Variants in CPA6 observed in about 807,000 individuals in gnomAD.
The protein encoded by CPA6 is carboxypeptidase A6.
Under a neutral mutation model 63.3 loss-of-function variants are expected in CPA6, and 58 were observed. The ratio of observed to expected loss-of-function variants is 0.92; its 90% confidence interval spans 0.74 to 1.14. CPA6 has a LOEUF of 1.14. Among genes scored for constraint, CPA6 ranks in the 50% most tolerant of loss-of-function variants. The pLI, the probability that CPA6 is intolerant of heterozygous loss-of-function variation, is 0.00. For synonymous variants in CPA6, 185 were observed against 179.0 expected, an observed-to-expected ratio of 1.03 and a Z score of -0.27; for missense variants, 565 against 526.6, an observed-to-expected ratio of 1.07 and a Z score of -0.71.
intron 2 of CPA6, among the ~76,000 whole-genome samples, chr8:67,623,696 A>C (rs1185584913): frequency 6.6e-6 from 1 of 152,144 alleles, no homozygotes; most frequent in Non-Finnish European, 1.5e-5. Context: ...AGTCTCCCAA[A>C]GTGCTGAGAC....
At chr8:67,620,292 CTA>C (rs1469864031) in intron 2 of CPA6, among the ~76,000 whole-genome samples, 1 of 152,136 alleles carries the variant, frequency 6.6e-6, no homozygotes, top group Non-Finnish European at 1.5e-5. Flanking sequence ...CAGGTCTGCC[CTA>C]TGTCATTTCC....
At chr8:67,589,564 C>T (rs893399604) in intron 2 of CPA6, among the ~76,000 whole-genome samples, 2 of 152,102 alleles carry the variant, frequency 1.3e-5, no homozygotes, top group African/African-American at 4.8e-5. Flanking sequence ...TTTGTGAGCT[C>T]CTTCAGAAGT....
intron 8 of CPA6, among the ~76,000 whole-genome samples, chr8:67,438,998 A>G (rs1390627644): frequency 6.6e-6 from 1 of 152,208 alleles, no homozygotes; most frequent in Non-Finnish European, 1.5e-5. Flanking sequence ...GGAAAAAAGA[A>G]AAAAGAAGAA....
chr8:67,675,620 A>T (rs1816454076), intron 1 of CPA6, among the ~76,000 whole-genome samples: 1 of 152,138 alleles, frequency 6.6e-6, no homozygotes. Flanking sequence ...TTGCCTTTTA[A>T]AACAGGGTAC....
chr8:67,658,037 T>G (rs915434109), intron 1 of CPA6, among the ~76,000 whole-genome samples: 1 of 152,220 alleles, frequency 6.6e-6, no homozygotes, highest in Non-Finnish European at 1.5e-5. Context: ...ACTGGCGTCC[T>G]TTTCGTTTCC....
intron 1 of CPA6, among the ~76,000 whole-genome samples, chr8:67,720,704 G>A (rs1050938598): frequency 6.6e-6 from 1 of 152,190 alleles, no homozygotes; most frequent in African/African-American, 2.4e-5. Flanking sequence ...ATAGGCCCTT[G>A]GGTAATTTTA....
intron 2 of CPA6, among the ~76,000 whole-genome samples, chr8:67,541,876 A>C (rs1165211107): frequency 6.6e-6 from 1 of 152,184 alleles, no homozygotes; most frequent in Non-Finnish European, 1.5e-5. Flanking sequence ...CTCAGTTGGA[A>C]ATGCAGAAAT....
intron 1 of CPA6, among the ~76,000 whole-genome samples, chr8:67,709,433 C>T (rs747586526): frequency 1.3e-5 from 2 of 152,212 alleles, no homozygotes; most frequent in Non-Finnish European, 2.9e-5. Context: ...TGAATTATTT[C>T]CTCTGAGGAG....
At chr8:67,510,934 G>C (rs1033446579) in intron 4 of CPA6, among the ~76,000 whole-genome samples, 4 of 152,154 alleles carry the variant, frequency 2.6e-5, no homozygotes, top group African/African-American at 9.7e-5. Context: ...ACTAGGTGTT[G>C]GTGGAGGAGG....
At chr8:67,511,941 G>A (rs911316038) in intron 3 of CPA6, among the ~76,000 whole-genome samples, 1 of 152,160 alleles carries the variant, frequency 6.6e-6, no homozygotes, top group Non-Finnish European at 1.5e-5. Flanking sequence ...TGATGACTAC[G>A]AGCACTTAGA....
intron 3 of CPA6, among the ~76,000 whole-genome samples, chr8:67,514,863 A>C (rs1812110960): frequency 6.6e-6 from 1 of 152,260 alleles, no homozygotes; most frequent in Non-Finnish European, 1.5e-5. Flanking sequence ...AACAATGACT[A>C]AAATGTGTCC....
intron 1 of CPA6, among the ~76,000 whole-genome samples, chr8:67,681,912 G>A (rs1816607000): frequency 1.3e-5 from 2 of 150,396 alleles, no homozygotes; most frequent in African/African-American, 4.9e-5. Context: ...TTTAAAATTA[G>A]CATGTCAATT....
At chr8:67,660,630 T>C (rs1292249699) in intron 1 of CPA6, among the ~76,000 whole-genome samples, 1 of 149,688 alleles carries the variant, frequency 6.7e-6, no homozygotes, top group African/African-American at 2.5e-5. Context: ...GGAACGAACC[T>C]CTATGCCCGG....
chr8:67,592,625 T>G (rs1002111578), intron 2 of CPA6, among the ~76,000 whole-genome samples: 1 of 151,896 alleles, frequency 6.6e-6, no homozygotes, highest in African/African-American at 2.4e-5. Context: ...GGAGAGTGTA[T>G]GTGTCGAGGA....
chr8:67,621,605 A>G (rs1042010987), intron 2 of CPA6, among the ~76,000 whole-genome samples: 2 of 152,224 alleles, frequency 1.3e-5, no homozygotes, highest in African/African-American at 4.8e-5. Context: ...AACAGCAATA[A>G]CAATAGACTT....
intron 1 of CPA6, among the ~76,000 whole-genome samples, chr8:67,654,225 A>G (rs1279870554): frequency 1.3e-5 from 2 of 152,158 alleles, no homozygotes; most frequent in Non-Finnish European, 2.9e-5. Context: ...TGTCTCTGCC[A>G]GGCTTTGGTA....
intron 1 of CPA6, among the ~76,000 whole-genome samples, chr8:67,742,304 T>C (rs1817928329): frequency 6.6e-6 from 1 of 152,186 alleles, no homozygotes; most frequent in South Asian, 2.1e-4. Context: ...ATAATCTCTT[T>C]TCCTTTATTG....
chr8:67,566,540 G>C (rs1164034917), intron 2 of CPA6, among the ~76,000 whole-genome samples: 1 of 152,146 alleles, frequency 6.6e-6, no homozygotes, highest in Non-Finnish European at 1.5e-5. Context: ...TCACCTTTTG[G>C]ATTTTTAATA....
chr8:67,649,824 T>C (rs1815796749), intron 1 of CPA6, among the ~76,000 whole-genome samples: 2 of 152,130 alleles, frequency 1.3e-5, no homozygotes, highest in African/African-American at 4.8e-5. Flanking sequence ...AAAAAAATGC[T>C]TCTTGAATGG....
Sources: gnomAD v4.1 joint callset for allele counts (sites outside exome capture counted in the v4.1 genomes callset) on GRCh38, gnomAD v4.1.1 for gene constraint, MANE v1.5 for transcripts, NCBI Gene and HGNC (gene_info 2026-07-23, HGNC 2026-07-21) for gene names.